Variants in LPIN1 observed in about 807,000 individuals in gnomAD.
LPIN1 encodes phosphatidate phosphatase LPIN1.
Under a neutral mutation model 107.5 loss-of-function variants are expected in LPIN1, and 71 were observed. The ratio of observed to expected loss-of-function variants is 0.66; its 90% confidence interval spans 0.55 to 0.80. The LOEUF is 0.80. Among genes scored for constraint, LPIN1 ranks in the 30% least tolerant of loss-of-function variants. The probability of loss-of-function intolerance (pLI) is 0.00; values close to 1 mark genes in which losing one functional copy is unlikely to be tolerated. For missense variants in LPIN1, 1,043 were observed against 1,160.6 expected (o/e 0.90, Z 1.47); for synonymous variants, 445 against 452.6 (o/e 0.98, Z 0.21).
intron 1 of LPIN1, among the ~76,000 whole-genome samples, chr2:11,755,257 G>A (rs563453464): frequency 3.3e-5 from 5 of 152,022 alleles, no homozygotes; most frequent in South Asian, 2.1e-4. Flanking sequence ...ATGAGCCACC[G>A]CGCCCGGCCA....
At chr2:11,757,058 T>C (rs544513508) in intron 1 of LPIN1, among the ~76,000 whole-genome samples, 1 of 152,332 alleles carries the variant, frequency 6.6e-6, no homozygotes, top group Admixed American at 6.5e-5. Flanking sequence ...ACATTTGAAC[T>C]AGGGGTTGTA....
At chr2:11,681,478 C>G (rs984515961) in intron 1 of LPIN1, 2 of 158,158 alleles carry the variant, frequency 1.3e-5, no homozygotes, top group Non-Finnish European at 2.8e-5. Context: ...TTCCCCTTCG[C>G]CTTCTGCCGT....
intron 1 of LPIN1, among the ~76,000 whole-genome samples, chr2:11,726,062 C>G (rs1664618895): frequency 1.3e-5 from 2 of 152,168 alleles, no homozygotes; most frequent in Admixed American, 1.3e-4. Flanking sequence ...TGGAAATGCA[C>G]TGTCCCTTCA....
chr2:11,797,762 C>G (rs996504937), intron 14 of LPIN1, among the ~76,000 whole-genome samples: 4 of 152,144 alleles, frequency 2.6e-5, no homozygotes, highest in African/African-American at 9.7e-5. Flanking sequence ...TCAGATGAGA[C>G]TTTGGACTGT....
At chr2:11,781,680 A>G (rs1371260885) in intron 7 of LPIN1, among the ~76,000 whole-genome samples, 1 of 152,226 alleles carries the variant, frequency 6.6e-6, no homozygotes, top group African/African-American at 2.4e-5. Flanking sequence ...ATAGCTCAAT[A>G]CATTTTCACA....
rs370978470 is a variant in LPIN1 at position 11,782,485 on chromosome 2, G to A, written c.1242G>A (p.Thr414=). 1.2e-4 allele frequency: 194 copies of A among 1,614,068 alleles called. No individual in the cohort carries two copies. In the East Asian group the frequency reaches 2.6e-3, roughly 21 times the overall value. The change falls in exon 8 of 21, where the codon ACG becomes ACA. Residue 414 remains threonine, a synonymous_variant. Transcript: ENST00000674199. ...SASVVQTANK[T]DSPSRKRDKR... is the part of the protein sequence containing the mutation. ...GTGTAGTCCAGACAGCAAACAAGAC[G>A]GATTCTCCTTCCAGGAAAAGAGGTA...
intron 14 of LPIN1, among the ~76,000 whole-genome samples, chr2:11,796,430 A>T (rs1249844802): frequency 6.6e-6 from 1 of 151,978 alleles, no homozygotes; most frequent in Non-Finnish European, 1.5e-5. Flanking sequence ...TTTGCTACAA[A>T]CAGAAACCCA....
rs577718783 is a variant in LPIN1 at position 11,810,067 on chromosome 2, C to G, written c.2249+4911C>G. ...TGTTTTTCCAAGCCAAACCTCAGTC[C>G]AAACTCAGAGGGAGCCCCTAGACTC... On this transcript the variant is annotated intron_variant, in intron 17 of 20. Coordinates refer to ENST00000674199, the MANE Select transcript of LPIN1 (RefSeq NM_001349206.2). Among the ~76,000 whole-genome samples the G allele has an allele frequency of 6.6e-5, 10 of 152,280 alleles. No homozygotes were observed. The South Asian group carries it at 1.4e-3, about 22-fold the overall frequency.
At chr2:11,787,392 CTTTTTCTTTTTT>C (rs969836200) in intron 11 of LPIN1, among the ~76,000 whole-genome samples, 5 of 113,690 alleles carry the variant, frequency 4.4e-5, no homozygotes, top group African/African-American at 1.5e-4. Flanking sequence ...CTTTTCTTTT[CTTTTTCTTTTTT>C]TTTTTTTTTT....
chr2:11,714,129 G>A (rs1048864948), intron 2 of LPIN1, among the ~76,000 whole-genome samples: 1 of 152,228 alleles, frequency 6.6e-6, no homozygotes, highest in African/African-American at 2.4e-5. Flanking sequence ...AAGAGGAAGA[G>A]GTCTGCATTC....
At position 11,802,890 on chromosome 2, in the gene LPIN1, A is replaced by T. The variant is rs1678008769; in HGVS notation, c.1887-17A>T. The T allele has an allele frequency of 1.2e-6, 2 of 1,612,342 alleles. No homozygotes were observed. The highest frequency in any genetic ancestry group is 1.7e-6 in the Non-Finnish European group (2 of 1,179,970). On this transcript the variant is annotated splice_polypyrimidine_tract_variant and intron_variant, in intron 14 of 20. Transcript: ENST00000674199. ...GATGCATTTTCTAATTGGTGATGAC[A>T]TCACTGTGTGTTCCAGGGTAAAGCA... is the stretch of plus-strand genomic sequence containing the variant.
chr2:11,783,825 T>C lies in LPIN1; in HGVS notation c.1265-4T>C, dbSNP rs759464520. On this transcript the variant is annotated splice_polypyrimidine_tract_variant and splice_region_variant and intron_variant, in intron 8 of 20. Coordinates refer to ENST00000674199, the MANE Select transcript of LPIN1 (RefSeq NM_001349206.2). ...TTTCTGACTTGAGCCATTTGCCGTT[T>C]TAGATAAACGAAGCCGACATCTTGG... 33 of 1,613,638 alleles carry C rather than the reference T, an allele frequency of 2.0e-5. No individual in the cohort carries two copies. The highest frequency in any genetic ancestry group is 2.5e-5 in the Non-Finnish European group (30 of 1,179,640).
intron 1 of LPIN1, among the ~76,000 whole-genome samples, chr2:11,748,790 T>A (rs957878475): frequency 2.0e-5 from 3 of 152,174 alleles, no homozygotes; most frequent in Non-Finnish European, 2.9e-5. Flanking sequence ...ATGGGGGTAG[T>A]CGAGGGGTAC....
At chr2:11,793,612 C>T (rs993024235) in intron 13 of LPIN1, among the ~76,000 whole-genome samples, 1 of 152,192 alleles carries the variant, frequency 6.6e-6, no homozygotes, top group Non-Finnish European at 1.5e-5. Flanking sequence ...ACCTTCTACC[C>T]TGGGGGCTTT....
intron 14 of LPIN1, among the ~76,000 whole-genome samples, chr2:11,796,338 A>G (rs1676711057): frequency 2.0e-5 from 3 of 152,258 alleles, no homozygotes; most frequent in South Asian, 4.1e-4. Flanking sequence ...TTGTTGATTT[A>G]TGGGAGAGGC....
At chr2:11,759,189 C>T (rs539417973) in intron 1 of LPIN1, among the ~76,000 whole-genome samples, 19 of 99,980 alleles carry the variant, frequency 1.9e-4, no homozygotes, top group African/African-American at 4.8e-4. Flanking sequence ...TTCTTTCTTT[C>T]TTTTCTTTCT....
intron 17 of LPIN1, among the ~76,000 whole-genome samples, chr2:11,807,512 A>ATTTTTTTTTTTTTTTTTTTT (rs557625077): frequency 7.1e-6 from 1 of 140,666 alleles, no homozygotes; most frequent in East Asian, 2.0e-4. Flanking sequence ...TTGCTTTTTA[A>ATTTTTTTTTTTTTTTTTTTT]TTTTTTTTTT....
At chr2:11,795,300 G>T (rs1352435139) in intron 13 of LPIN1, 108 bp from the exon 14 acceptor site, 4 of 898,706 alleles carry the variant, frequency 4.5e-6, no homozygotes, top group Admixed American at 1.8e-5. Flanking sequence ...TTGGGGAATG[G>T]TCTATCTTTA....
intron 1 of LPIN1, among the ~76,000 whole-genome samples, chr2:11,699,495 C>T (rs996813901): frequency 3.3e-5 from 5 of 151,908 alleles, no homozygotes; most frequent in Non-Finnish European, 5.9e-5. Context: ...CCAGAACGCT[C>T]ACCTTTTACG....
Sources: gnomAD v4.1 joint callset for allele counts (sites outside exome capture counted in the v4.1 genomes callset) on GRCh38, gnomAD v4.1.1 for gene constraint, MANE v1.5 for transcripts, NCBI Gene and HGNC (gene_info 2026-07-23, HGNC 2026-07-21) for gene names.